Variants in ARHGEF10L observed in about 807,000 individuals in gnomAD.
ARHGEF10L encodes the protein rho guanine nucleotide exchange factor 10-like protein.
A neutral mutation model predicts 141.2 loss-of-function variants in ARHGEF10L; 69 were observed. The observed-to-expected ratio is 0.49, with a 90% CI of 0.40 to 0.60. ARHGEF10L has a LOEUF of 0.60. Among genes scored for constraint, ARHGEF10L ranks in the 20% least tolerant of loss-of-function variants. The pLI is 0.00. For synonymous variants in ARHGEF10L, 711 were observed against 718.5 expected, an observed-to-expected ratio of 0.99 and a Z score of 0.17; for missense variants, 1,482 against 1,734.3, an observed-to-expected ratio of 0.85 and a Z score of 2.58.
intron 1 of ARHGEF10L, among the ~76,000 whole-genome samples, chr1:17,550,135 A>C (rs150066025): frequency 6.6e-6 from 1 of 152,172 alleles, no homozygotes; most frequent in Non-Finnish European, 1.5e-5. Flanking sequence ...TTTGGGTTAT[A>C]TATCAGCTGG....
intron 1 of ARHGEF10L, among the ~76,000 whole-genome samples, chr1:17,556,279 G>T (rs548047704): frequency 1.9e-5 from 2 of 107,458 alleles, no homozygotes; most frequent in Non-Finnish European, 4.0e-5. Flanking sequence ...CGGCGGGGGG[G>T]GGGCCTGGGA....
At chr1:17,628,444 T>G (rs1050110880) in intron 15 of ARHGEF10L, among the ~76,000 whole-genome samples, 1 of 152,192 alleles carries the variant, frequency 6.6e-6, no homozygotes, top group Non-Finnish European at 1.5e-5. Flanking sequence ...GGAGTCCCTC[T>G]TCTTCCCTCT....
Position 17,627,585 on chromosome 1 carries a change from C to T in ARHGEF10L, c.1584+82C>T. On this transcript the variant is annotated intron_variant, in intron 15 of 28. Coordinates refer to ENST00000361221, the MANE Select transcript of ARHGEF10L (RefSeq NM_018125.4). This position sits in a 1 kb window ranked among gnomAD's most constrained non-coding sequence, Gnocchi z 4.0. Reference sequence around the variant, plus strand: ...GCCCGTGCCCCTGCCCCACGCCACCCACACTAGGTGGCAGTGTTCTCTGAG... The same window carrying T: ...GCCCGTGCCCCTGCCCCACGCCACCTACACTAGGTGGCAGTGTTCTCTGAG... 1.3e-6 allele frequency: 2 copies of T among 1,482,990 alleles called. No homozygotes were observed. Among genetic ancestry groups the T allele is most frequent in the South Asian group, 2.5e-5 (2 of 78,618 alleles). 91.9% of individuals were successfully genotyped at this position (1,482,990 alleles called of 1,614,324 possible). A position where few individuals can be genotyped will look rare whatever the true frequency, so the allele number is the denominator to read the frequency against.
chr1:17,675,253 C>A (rs2063574927), intron 26 of ARHGEF10L, among the ~76,000 whole-genome samples: 1 of 152,238 alleles, frequency 6.6e-6, no homozygotes, highest in African/African-American at 2.4e-5. Context: ...CTGCAGTTCT[C>A]ACAGCCTATG....
chr1:17,640,071 T>G, intron 20 of ARHGEF10L, 131 bp from the exon 21 acceptor site: 1 of 1,476,642 alleles, frequency 6.8e-7, no homozygotes, highest in Non-Finnish European at 9.0e-7. Flanking sequence ...TTGGCCACGT[T>G]TTGGGGATGC....
intron 21 of ARHGEF10L, among the ~76,000 whole-genome samples, chr1:17,648,230 C>T (rs1429911984): frequency 6.6e-6 from 1 of 152,226 alleles, no homozygotes; most frequent in Non-Finnish European, 1.5e-5. Context: ...ACAACAACCA[C>T]AGGACGAAGG....
intron 16 of ARHGEF10L, among the ~76,000 whole-genome samples, chr1:17,633,690 T>C (rs2060835985): frequency 6.6e-6 from 1 of 152,162 alleles, no homozygotes; most frequent in Non-Finnish European, 1.5e-5. Context: ...AGCAATAGTA[T>C]GGCTACCATC....
intron 25 of ARHGEF10L, among the ~76,000 whole-genome samples, chr1:17,661,341 G>A (rs1373375357): frequency 6.6e-6 from 1 of 152,366 alleles, no homozygotes; most frequent in East Asian, 1.9e-4. Context: ...GCCTCCCAAA[G>A]TGTTGGGATT....
Position 17,656,005 on chromosome 1 carries a change from C to T in ARHGEF10L, c.2608C>T (p.Leu870=). ...PVLCMEYIPE[L]EEEAESRDES... Reference sequence around the variant, plus strand: ...GCTCTGCATGGAGTATATCCCGGAGCTGGAGGAGGAGGCGGAGAGCAGAGA... The same window carrying T: ...GCTCTGCATGGAGTATATCCCGGAGTTGGAGGAGGAGGCGGAGAGCAGAGA... The change falls in exon 24 of 29, where the codon CTG becomes TTG. Residue 870 remains leucine (L), a synonymous_variant. Transcript: ENST00000361221. This position sits in a 1 kb window ranked among gnomAD's most constrained non-coding sequence, Gnocchi z 4.9. 1 of 1,572,668 alleles carries T rather than the reference C, an allele frequency of 6.4e-7. No homozygotes were observed. The highest frequency in any genetic ancestry group is 8.6e-7 in the Non-Finnish European group (1 of 1,158,056).
At chr1:17,554,513 A>C (rs1217473446) in intron 1 of ARHGEF10L, among the ~76,000 whole-genome samples, 1 of 149,968 alleles carries the variant, frequency 6.7e-6, no homozygotes, top group Non-Finnish European at 1.5e-5. Context: ...ATGATGCCAG[A>C]CCCAGCAATA....
chr1:17,616,341 G>A, intron 9 of ARHGEF10L, 139 bp downstream of exon 9: 1 of 715,028 alleles, frequency 1.4e-6, no homozygotes, highest in Non-Finnish European at 2.4e-6. Flanking sequence ...GTGGGGGTTG[G>A]GGGCTGAGTC....
chr1:17,519,728 G>A, the ARHGEF10L span, among the ~76,000 whole-genome samples: 6 of 152,114 alleles, frequency 3.9e-5, no homozygotes, highest in Non-Finnish European at 8.8e-5. Flanking sequence ...CCAGCTACTC[G>A]GGAGGCTGAG....
intron 27 of ARHGEF10L, among the ~76,000 whole-genome samples, chr1:17,693,816 T>TGCAGCCTAAGCCTCTCCCAGAGGGCA (rs2065283611): frequency 1.3e-5 from 2 of 152,226 alleles, no homozygotes; most frequent in Admixed American, 1.3e-4. Flanking sequence ...CCTTCTGGAA[T>TGCAGCCTAAGCCTCTCCCAGAGGGCA]GCAGCCTAAG....
At chr1:17,688,822 A>T (rs573851697) in intron 27 of ARHGEF10L, among the ~76,000 whole-genome samples, 1 of 152,096 alleles carries the variant, frequency 6.6e-6, no homozygotes, top group Non-Finnish European at 1.5e-5. Flanking sequence ...CCCGGTCCCT[A>T]ACTCCCTCCC....
chr1:17,601,774 A>AT (rs2080704706), intron 4 of ARHGEF10L, among the ~76,000 whole-genome samples: 2 of 152,066 alleles, frequency 1.3e-5, no homozygotes, highest in African/African-American at 4.8e-5. Flanking sequence ...AGAGGCAGGG[A>AT]TCCCCCAGCC....
chr1:17,547,815 C>T (rs1001335015), intron 1 of ARHGEF10L, among the ~76,000 whole-genome samples: 3 of 152,158 alleles, frequency 2.0e-5, no homozygotes, highest in African/African-American at 7.2e-5. Context: ...GACAGCCTCT[C>T]TCAATATTGT....
rs975192166 is a variant in ARHGEF10L, at chr1:17,673,137, C to T, written c.3009+8542C>T. The stretch of plus-strand genomic sequence containing the variant: ...AGGGAACCTGGAGGAAAAAGGGAAC[C>T]GGTACAGGGAAGGCGGATGAACAGA... On this transcript the variant is annotated intron_variant, in intron 26 of 28. Coordinates refer to ENST00000361221, the MANE Select transcript of ARHGEF10L (RefSeq NM_018125.4). The surrounding 1 kb of genome is among the most constrained non-coding windows in gnomAD (Gnocchi z 4.1). 2.0e-5 allele frequency among the ~76,000 whole-genome samples: 3 copies of T among 152,172 alleles called. No homozygotes were observed. Among genetic ancestry groups the T allele is most frequent in the Non-Finnish European group, 4.4e-5 (3 of 68,018 alleles).
intron 25 of ARHGEF10L, among the ~76,000 whole-genome samples, chr1:17,661,589 G>A (rs547289763): frequency 3.3e-5 from 5 of 152,292 alleles, no homozygotes; most frequent in Middle Eastern, 3.4e-3. Flanking sequence ...CAAGGGCTCC[G>A]GTGGCTATCA....
At chr1:17,695,121 C>A (rs951962876) in intron 27 of ARHGEF10L, 37 bp from the exon 28 acceptor site, 1 of 1,610,790 alleles carries the variant, frequency 6.2e-7, no homozygotes, top group Middle Eastern at 1.7e-4. Flanking sequence ...GCTGTCTCCC[C>A]AGGAGGGCAC....
Sources: gnomAD v4.1 joint callset for allele counts (sites outside exome capture counted in the v4.1 genomes callset) on GRCh38, gnomAD v4.1.1 for gene constraint, Gnocchi (gnomAD v3.1) non-coding constraint, MANE v1.5 for transcripts, NCBI Gene and HGNC (gene_info 2026-07-23, HGNC 2026-07-21) for gene names.